CTNND2: variants seen among roughly 807,000 people sequenced by gnomAD.
The protein encoded by CTNND2 is catenin delta 2.
In CTNND2, 22 loss-of-function variants were observed where a neutral mutation model predicts 144.4. The ratio of observed to expected loss-of-function variants is 0.15; its 90% CI spans 0.11 to 0.22. The LOEUF (loss-of-function observed/expected upper bound fraction) is 0.22, where lower values mean the gene tolerates loss of function less well. Among genes scored for constraint, CTNND2 ranks in the 10% least tolerant of loss-of-function variants. The probability of loss-of-function intolerance (pLI) is 1.00; values close to 1 mark genes in which losing one functional copy is unlikely to be tolerated. For synonymous variants in CTNND2, 751 were observed against 695.6 expected (o/e 1.08, Z -1.25); for missense variants, 1,353 against 1,618.8 (o/e 0.84, Z 2.82).
At chr5:11,553,153 A>C (rs1775915089) in intron 3 of CTNND2, among the ~76,000 whole-genome samples, 1 of 152,198 alleles carries the variant, frequency 6.6e-6, no homozygotes, top group African/African-American at 2.4e-5. Context: ...TTATTATTGC[A>C]CTATCACTCT....
intron 9 of CTNND2, among the ~76,000 whole-genome samples, chr5:11,342,007 C>T (rs1465951639): frequency 1.3e-5 from 2 of 152,084 alleles, no homozygotes; most frequent in African/African-American, 4.8e-5. Context: ...AAAACCTTGT[C>T]TCAAAAAATA....
At chr5:11,883,483 C>T (rs182880406) in intron 1 of CTNND2, among the ~76,000 whole-genome samples, 51 of 152,266 alleles carry the variant, frequency 3.3e-4, no homozygotes, top group African/African-American at 1.2e-3. Context: ...TTTCCAGTTT[C>T]ATCCATGTCC....
Position 11,868,393 on chromosome 5 carries a change from A to G in CTNND2, c.37+35424T>C, listed in dbSNP as rs1795876305. Among the ~76,000 whole-genome samples, 2 of 152,198 alleles carry G rather than the reference A, an allele frequency of 1.3e-5. 1 individual carries two copies. The highest frequency in any genetic ancestry group is 4.1e-4 in the South Asian group (2 of 4,830). Reference sequence around the variant, plus strand: ...TTCAAAAGAGGTATGAAACCCACTGAAAGTAAATTAATCAAACTAATGATC... The same window carrying G: ...TTCAAAAGAGGTATGAAACCCACTGGAAGTAAATTAATCAAACTAATGATC... On this transcript the variant is annotated intron_variant, in intron 1 of 21. Coordinates refer to ENST00000304623, the MANE Select transcript of CTNND2 (RefSeq NM_001332.4).
chr5:11,156,722 G>T (rs923760831), intron 12 of CTNND2, among the ~76,000 whole-genome samples: 2 of 79,384 alleles, frequency 2.5e-5, no homozygotes, highest in African/African-American at 2.0e-4. Flanking sequence ...AACATCAAAG[G>T]TGGAGGTCAA....
chr5:11,782,444 G>A (rs1162557745), intron 1 of CTNND2, among the ~76,000 whole-genome samples: 2 of 152,096 alleles, frequency 1.3e-5, no homozygotes, highest in African/African-American at 4.8e-5. Context: ...ATATCTGAAT[G>A]CACACTCATG....
intron 3 of CTNND2, among the ~76,000 whole-genome samples, chr5:11,426,417 C>T (rs1026298526): frequency 5.3e-5 from 8 of 152,206 alleles, no homozygotes; most frequent in African/African-American, 1.9e-4. Flanking sequence ...TGGCTTAATG[C>T]TCTGCTGTTG....
chr5:11,142,802 C>T (rs967269808), intron 12 of CTNND2, among the ~76,000 whole-genome samples: 6 of 151,806 alleles, frequency 4.0e-5, no homozygotes, highest in Admixed American at 2.0e-4. Context: ...TTAGTAGAGA[C>T]GGGGTTTCAC....
intron 7 of CTNND2, among the ~76,000 whole-genome samples, chr5:11,381,906 A>G (rs140393687): frequency 6.6e-6 from 1 of 152,120 alleles, no homozygotes; most frequent in Admixed American, 6.6e-5. Flanking sequence ...GGCGGAGCTG[A>G]TAGTGAGCCA....
intron 15 of CTNND2, among the ~76,000 whole-genome samples, chr5:11,091,170 C>T (rs1316373700): frequency 6.6e-6 from 1 of 152,134 alleles, no homozygotes; most frequent in Non-Finnish European, 1.5e-5. Flanking sequence ...CCACTTGACA[C>T]CCACAGATGA....
intron 1 of CTNND2, among the ~76,000 whole-genome samples, chr5:11,837,075 T>G (rs564569789): frequency 6.6e-6 from 1 of 152,338 alleles, no homozygotes; most frequent in Non-Finnish European, 1.5e-5. Flanking sequence ...TGTTGTTTTC[T>G]GACTTTGGTT....
At chr5:11,803,887 A>T (rs1174986316) in intron 1 of CTNND2, among the ~76,000 whole-genome samples, 3 of 151,960 alleles carry the variant, frequency 2.0e-5, no homozygotes, top group African/African-American at 7.3e-5. Context: ...TTTCTCCTCC[A>T]ATCTAGTCAG....
chr5:11,029,661 T>C (rs1226975418), intron 16 of CTNND2, among the ~76,000 whole-genome samples: 2 of 152,244 alleles, frequency 1.3e-5, no homozygotes, highest in Non-Finnish European at 2.9e-5. Context: ...ACGAATTATG[T>C]AGAAAATTTC....
chr5:11,489,314 G>T (rs1769161836), intron 3 of CTNND2, among the ~76,000 whole-genome samples: 1 of 152,078 alleles, frequency 6.6e-6, no homozygotes, highest in African/African-American at 2.4e-5. Flanking sequence ...CAACATCCAT[G>T]TGCTTAGTTG....
In CTNND2 at chr5:11,582,766, C is replaced by T. The variant is rs2727611; in HGVS notation, c.175-17710G>A. Among the ~76,000 whole-genome samples, 175 of 152,284 alleles carry T rather than the reference C, an allele frequency of 1.1e-3. 1 individual carries two copies. Among genetic ancestry groups the T allele is most frequent in the African/African-American group, 4.0e-3 (167 of 41,546 alleles). On this transcript the variant is annotated intron_variant, in intron 2 of 21. Coordinates refer to ENST00000304623, the MANE Select transcript of CTNND2 (RefSeq NM_001332.4). ...CTTCATAGACAGCATCATATGGAGC[C>T]TGGACCACAGTGATAAGAAGGTTGC...
At chr5:11,718,098 G>A (rs1014477930) in intron 2 of CTNND2, among the ~76,000 whole-genome samples, 52 of 152,222 alleles carry the variant, frequency 3.4e-4, no homozygotes, top group African/African-American at 1.2e-3. Context: ...TGTTACTCAT[G>A]ATCAATTAAT....
At chr5:11,100,710 C>T (rs899555843) in intron 14 of CTNND2, among the ~76,000 whole-genome samples, 5 of 152,072 alleles carry the variant, frequency 3.3e-5, no homozygotes, top group African/African-American at 4.8e-5. Flanking sequence ...CAATTATTTT[C>T]ATATAAAAAT....
intron 16 of CTNND2, among the ~76,000 whole-genome samples, chr5:11,053,537 G>C (rs1405255127): frequency 6.6e-6 from 1 of 152,206 alleles, no homozygotes; most frequent in African/African-American, 2.4e-5. Flanking sequence ...CATTTAGACA[G>C]TGCAGCGCTA....
intron 11 of CTNND2, among the ~76,000 whole-genome samples, chr5:11,185,608 T>C (rs1735545402): frequency 6.6e-6 from 1 of 152,348 alleles, no homozygotes; most frequent in Middle Eastern, 3.4e-3. Flanking sequence ...GCCGTCATGA[T>C]GGAAGAGCGA....
intron 3 of CTNND2, among the ~76,000 whole-genome samples, chr5:11,495,663 G>C (rs1371486950): frequency 6.6e-6 from 1 of 152,130 alleles, no homozygotes; most frequent in Non-Finnish European, 1.5e-5. Context: ...GGCAGTGCAG[G>C]GCTTCCATCA....
Sources: allele counts gnomAD v4.1 joint callset (sites outside exome capture counted in the v4.1 genomes callset), GRCh38; gene constraint gnomAD v4.1.1; transcripts MANE v1.5; gene names NCBI Gene and HGNC (gene_info 2026-07-23, HGNC 2026-07-21).